The following TKFC variants were observed in gnomAD, a reference collection of about 807,000 sequenced individuals.
TKFC encodes triokinase/FMN cyclase.
TKFC carries 46 observed loss-of-function variants against 61.0 expected under a neutral mutation model. That is an observed-to-expected ratio of 0.75 (90% confidence interval 0.60 to 0.96). TKFC has a LOEUF of 0.96. TKFC is among the 50% of genes least tolerant of loss of function. TKFC has a pLI of 0.00. For missense variants in TKFC, 715 were observed against 777.5 expected (o/e 0.92, Z 0.96); for synonymous variants, 314 against 330.1 (o/e 0.95, Z 0.53).
chr11:61,342,657 C>T lies in TKFC; in HGVS notation c.774C>T (p.Pro258=), dbSNP rs758392220. 31 of 1,613,898 alleles carry T rather than the reference C, an allele frequency of 1.9e-5. No individual in the cohort carries two copies. Among genetic ancestry groups the T allele is most frequent in the Admixed American group, 1.8e-4 (11 of 60,008 alleles). The change falls in exon 9 of 18, where the codon CCC becomes CCT. Residue 258 remains proline (P), a splice_region_variant and synonymous_variant. Coordinates refer to ENST00000394900, the MANE Select transcript of TKFC (RefSeq NM_015533.4). ...TTNASHVPVQ[P]GSSVVMMVNN... ...ACGCGTCCCATGTGCCTGTGCAGCC[C>T]GGTGGGTAGCCTCTCGCCCGCGTCT... is the stretch of plus-strand genomic sequence containing the variant.
Position 61,334,883 on chromosome 11 carries a change from G to A in TKFC, c.3+152G>A, listed in dbSNP as rs149884592. 3,500 of 1,216,836 alleles carry A rather than the reference G, an allele frequency of 2.9e-3. 10 individuals are homozygous for A. Among genetic ancestry groups the A allele is most frequent in the Middle Eastern group, 4.8e-3 (25 of 5,180 alleles). The allele number at this position is 1,216,836 out of a possible 1,614,324, so 75.4% of individuals were successfully genotyped here. ...AGAGAGAGGGTCATCCTCTCTCCCA[G>A]GGTCTGATCCCTGCTTTTCTTTGTT... On this transcript the variant is annotated intron_variant, in intron 2 of 17. Coordinates refer to ENST00000394900, the MANE Select transcript of TKFC (RefSeq NM_015533.4).
In TKFC at chr11:61,347,379, CA is replaced by C; in HGVS notation, c.*882del. On this transcript the variant is annotated 3_prime_UTR_variant, in exon 18 of 18. Transcript: ENST00000394900. ...CAACATGGTAAAACCCTGTCTCTAC[CA>C]AAAAATACAAAATTAGCCAGGCATA... 2.3e-6 allele frequency: 2 copies of C among 869,588 alleles called. No homozygotes were observed. Among genetic ancestry groups the C allele is most frequent in the Non-Finnish European group, 2.8e-6 (2 of 724,698 alleles). 53.9% of individuals were successfully genotyped at this position (869,588 alleles called of 1,614,324 possible).
Position 61,342,847 on chromosome 11 carries a change from G to T in TKFC, c.865+3G>T. On this transcript the variant is annotated splice_donor_region_variant and intron_variant, in intron 10 of 17. Coordinates refer to ENST00000394900, the MANE Select transcript of TKFC (RefSeq NM_015533.4). ...CGACGCTACCGTCCGCTCCCTGGGT[G>T]AGCCATGCACTGGGAAGGGGATCCT... 6.2e-7 allele frequency: 1 copy of T among 1,613,876 alleles called. No homozygotes were observed. Among genetic ancestry groups the T allele is most frequent in the South Asian group, 1.1e-5 (1 of 91,076 alleles).
At chr11:61,336,983 C>T (rs559299058) in intron 2 of TKFC, among the ~76,000 whole-genome samples, 8 of 152,232 alleles carry the variant, frequency 5.3e-5, no homozygotes, top group South Asian at 2.1e-4. Context: ...TTTTTCCCTA[C>T]CCCGGTCCTG....
chr11:61,341,826 C>T lies in TKFC; in HGVS notation c.569C>T (p.Thr190Ile). 5 of 1,613,878 alleles carry T rather than the reference C, an allele frequency of 3.1e-6. No homozygotes were observed. Among genetic ancestry groups the T allele is most frequent in the East Asian group, 2.2e-5 (1 of 44,888 alleles). The change falls in exon 7 of 18, where the codon ACC (threonine) becomes ATC (isoleucine). Residue 190 changes from threonine (T) to isoleucine (I), a missense_variant. Coordinates refer to ENST00000394900, the MANE Select transcript of TKFC (RefSeq NM_015533.4). ...CTTCATGCCTTGTTTCTCATAGGTACCCTGGGGGTGAGCTTATCCTCCTGC... is the reference window on the plus strand; with the variant it reads ...CTTCATGCCTTGTTTCTCATAGGTATCCTGGGGGTGAGCTTATCCTCCTGC... ...QVNVVAKAMG[T>I]LGVSLSSCSV...
intron 5 of TKFC, among the ~76,000 whole-genome samples, chr11:61,340,840 C>T (rs926025256): frequency 6.6e-6 from 1 of 152,186 alleles, no homozygotes; most frequent in Non-Finnish European, 1.5e-5. Context: ...CTGGAAGGCT[C>T]TCCCTGATCT....
At chr11:61,350,112 G>A, downstream of TKFC, 1 of 570,366 alleles carries the variant, frequency 1.8e-6, no homozygotes, top group South Asian at 2.1e-5. Context: ...CAGGCAGCAA[G>A]CAGCCAGAGA....
Position 61,339,293 on chromosome 11 carries a change from G to C in TKFC, c.344G>C (p.Arg115Pro). 1 of 1,613,852 alleles carries C rather than the reference G, an allele frequency of 6.2e-7. No homozygotes were observed. Among genetic ancestry groups the C allele is most frequent in the Non-Finnish European group, 8.5e-7 (1 of 1,179,980 alleles). ...ATCGTGAAGAACTACACTGGGGATC[G>C]GCTCAACTTCGGCCTGGCCCGGGAG... ...LLIVKNYTGD[R>P]LNFGLAREQA... is the part of the protein sequence containing the mutation. The change falls in exon 5 of 18, where the codon CGG becomes CCG. Residue 115 changes from arginine to proline, a missense_variant. Physicochemically the swap from Arg to Pro is moderately radical, Grantham distance 103. Transcript: ENST00000394900.
intron 2 of TKFC, among the ~76,000 whole-genome samples, chr11:61,335,010 A>G (rs959757436): frequency 2.0e-5 from 3 of 152,182 alleles, no homozygotes; most frequent in African/African-American, 4.8e-5. Flanking sequence ...AGAGTAAAAC[A>G]GTAACAGTTA....
intron 14 of TKFC, 41 bp downstream of exon 14, chr11:61,345,407 G>A: frequency 6.3e-7 from 1 of 1,597,268 alleles, no homozygotes; most frequent in Non-Finnish European, 8.6e-7. Context: ...GGAGGTGGCT[G>A]GGCTGGCTGG....
rs1205437340 is a variant in TKFC, at chr11:61,342,575, T to C, written c.692T>C (p.Met231Thr). ...HGEAGVRRIK[M>T]ATADEIVKLM... ...CTCATTCCTGGCTCCCTCTGACAGA[T>C]GGCAACCGCCGATGAGATTGTGAAA... Residue 231 changes from methionine to threonine, a missense_variant and splice_region_variant, in exon 9 of 18, where the codon ATG becomes ACG. Transcript: ENST00000394900. 6 of 1,613,812 alleles carry C rather than the reference T, an allele frequency of 3.7e-6. No individual in the cohort carries two copies. The highest frequency in any genetic ancestry group is 5.1e-6 in the Non-Finnish European group (6 of 1,180,032).
chr11:61,344,833 C>A (rs566536301), intron 13 of TKFC, among the ~76,000 whole-genome samples: 1 of 152,188 alleles, frequency 6.6e-6, no homozygotes, highest in African/African-American at 2.4e-5. Context: ...ATCATTCATT[C>A]GAGAAAAAGG....
At chr11:61,350,758 G>T, downstream of TKFC, 3 of 614,178 alleles carry the variant, frequency 4.9e-6, no homozygotes, top group Admixed American at 6.3e-5. Flanking sequence ...ACAGTGATTT[G>T]GGGGGGAAAT....
At position 61,345,467 on chromosome 11, in the gene TKFC, T is replaced by C. The variant is rs1288041871; in HGVS notation, c.1353T>C (p.Tyr451=). Residue 451 remains tyrosine (Y), a synonymous_variant, in exon 15 of 18, where the codon TAT becomes TAC. Coordinates refer to ENST00000394900, the MANE Select transcript of TKFC (RefSeq NM_015533.4). Reference sequence around the variant, plus strand: ...AGCGTTGTCATCTTCCCCAGCTCTATGGCCTGTTCCTGACTGCGGCTGCAC... The same window carrying C: ...AGCGTTGTCATCTTCCCCAGCTCTACGGCCTGTTCCTGACTGCGGCTGCAC... ...EKMGGSSGAL[Y]GLFLTAAAQP... 4.3e-6 allele frequency: 7 copies of C among 1,613,330 alleles called. No individual in the cohort carries two copies. In the Admixed American group the frequency reaches 1.2e-4, roughly 27 times the overall value.
In TKFC at chr11:61,334,734, G is replaced by A. The variant is rs751258512; in HGVS notation, c.3+3G>A. On this transcript the variant is annotated splice_donor_region_variant and intron_variant, in intron 2 of 17. Transcript: ENST00000394900. ...TGTTTCAGAGCCTCCACACCATGGTGAGTCATACAGGGCCGGGACGGGAAT... is the reference window on the plus strand; with the variant it reads ...TGTTTCAGAGCCTCCACACCATGGTAAGTCATACAGGGCCGGGACGGGAAT... The A allele has an allele frequency of 1.2e-6, 2 of 1,614,116 alleles. No homozygotes were observed. The highest frequency in any genetic ancestry group is 1.3e-5 in the African/African-American group (1 of 75,032).
At chr11:61,334,389 G>T (rs547517816) in intron 1 of TKFC, 2 of 279,644 alleles carry the variant, frequency 7.2e-6, no homozygotes, top group South Asian at 1.0e-4. Flanking sequence ...GCTGTTCCTG[G>T]ACATAAAGGC....
downstream of TKFC, chr11:61,351,290 T>C: frequency 4.6e-6 from 4 of 878,514 alleles, no homozygotes; most frequent in Non-Finnish European, 4.7e-6. Flanking sequence ...CTTTCTTTTT[T>C]TTTTTTTTTT....
chr11:61,344,321 C>T, intron 13 of TKFC, 48 bp downstream of exon 13: 1 of 1,574,384 alleles, frequency 6.4e-7, no homozygotes, highest in Non-Finnish European at 8.6e-7. Flanking sequence ...AAAACCTTAG[C>T]CCCCCTTCCA....
At chr11:61,351,048 G>A, downstream of TKFC, 2 of 1,614,100 alleles carry the variant, frequency 1.2e-6, no homozygotes, top group Non-Finnish European at 8.5e-7. Context: ...CCAGAAGGAT[G>A]TAGAGCACCA....
Sources: allele counts gnomAD v4.1 joint callset (sites outside exome capture counted in the v4.1 genomes callset), GRCh38; gene constraint gnomAD v4.1.1; transcripts MANE v1.5; gene names NCBI Gene and HGNC (gene_info 2026-07-23, HGNC 2026-07-21).